Variants in ETV6 observed in about 807,000 individuals in gnomAD.
ETV6 encodes ETS variant transcription factor 6.
A neutral mutation model predicts 51.1 loss-of-function variants in ETV6; 16 were observed. The ratio of observed to expected loss-of-function variants is 0.31; its 90% CI spans 0.21 to 0.48. ETV6 has a LOEUF of 0.48. Among genes scored for constraint, ETV6 ranks in the 20% least tolerant of loss-of-function variants. The pLI is 0.99. For missense variants in ETV6, 458 were observed against 594.8 expected (o/e 0.77, Z 2.39); for synonymous variants, 240 against 224.1 (o/e 1.07, Z -0.64).
intron 2 of ETV6, chr12:11,752,833 T>G (rs561917418): frequency 5.3e-6 from 2 of 375,482 alleles, no homozygotes; most frequent in Non-Finnish European, 9.6e-6. Flanking sequence ...CCTGGAAACA[T>G]GCAGTATATG....
intron 1 of ETV6, among the ~76,000 whole-genome samples, chr12:11,722,939 G>C (rs1233962468): frequency 1.3e-5 from 2 of 152,170 alleles, no homozygotes; most frequent in African/African-American, 4.8e-5. Flanking sequence ...TGGTAGGACT[G>C]GGGTGGGACA....
intron 2 of ETV6, among the ~76,000 whole-genome samples, chr12:11,830,400 T>C (rs1946224564): frequency 6.6e-6 from 1 of 152,256 alleles, no homozygotes; most frequent in Non-Finnish European, 1.5e-5. Context: ...TTAGGTTCAT[T>C]GTGACCTTGG....
chr12:11,820,374 G>A lies in ETV6; in HGVS notation c.164-18766G>A, dbSNP rs80098187. 3.6e-3 allele frequency among the ~76,000 whole-genome samples: 544 copies of A among 152,306 alleles called. 2 individuals are homozygous for A. Among genetic ancestry groups the A allele is most frequent in the African/African-American group, 0.012 (519 of 41,560 alleles). On this transcript the variant is annotated intron_variant, in intron 2 of 7. Transcript: ENST00000396373. ...ATAGCAGGAATCCAAACAAAGGTCC[G>A]TTCACATGCTAGTGAAGAAAATGAG...
intron 4 of ETV6, among the ~76,000 whole-genome samples, chr12:11,860,689 G>GT (rs1305463239): frequency 1.4e-5 from 2 of 139,280 alleles, no homozygotes; most frequent in Admixed American, 1.4e-4. Context: ...TTATTTGGTT[G>GT]TTTCCCCCCC....
intron 2 of ETV6, among the ~76,000 whole-genome samples, chr12:11,758,007 C>A (rs1395501297): frequency 3.3e-5 from 5 of 151,516 alleles, no homozygotes; most frequent in Admixed American, 3.3e-4. Flanking sequence ...GTCCTGTAGG[C>A]CCTGATGGGC....
chr12:11,858,262 G>C (rs923729575), intron 4 of ETV6, among the ~76,000 whole-genome samples: 1 of 152,088 alleles, frequency 6.6e-6, no homozygotes, highest in Non-Finnish European at 1.5e-5. Flanking sequence ...CAAAAACCAG[G>C]AGGCAAAGCA....
intron 2 of ETV6, among the ~76,000 whole-genome samples, chr12:11,836,677 A>G (rs1038529437): frequency 6.6e-6 from 1 of 152,072 alleles, no homozygotes; most frequent in Non-Finnish European, 1.5e-5. Flanking sequence ...TCAAATTACT[A>G]CTTGCATCCC....
In ETV6 at chr12:11,749,288, T is replaced by C. The variant is rs988971370; in HGVS notation, c.34-3162T>C. Reference sequence around the variant, plus strand: ...CTTGGGAAAATCGTTATCCCCCCCATACACACACACACACACACACACACA... The same window carrying C: ...CTTGGGAAAATCGTTATCCCCCCCACACACACACACACACACACACACACA... On this transcript the variant is annotated intron_variant, in intron 1 of 7. Transcript: ENST00000396373. Among the ~76,000 whole-genome samples, 138 of 122,898 alleles carry C rather than the reference T, an allele frequency of 1.1e-3. 1 individual carries two copies. The highest frequency in any genetic ancestry group is 1.6e-3 in the African/African-American group (50 of 31,068). 80.6% of individuals were successfully genotyped at this position (122,898 alleles called of 152,430 possible). A position where few individuals can be genotyped will look rare whatever the true frequency, so the allele number is the denominator to read the frequency against.
chr12:11,848,093 A>G (rs528171210), intron 3 of ETV6, among the ~76,000 whole-genome samples: 11 of 152,352 alleles, frequency 7.2e-5, no homozygotes, highest in Admixed American at 5.9e-4. Flanking sequence ...TTTGTGAGAC[A>G]TGTCTGTTCA....
intron 1 of ETV6, among the ~76,000 whole-genome samples, chr12:11,676,090 T>G (rs1591601447): frequency 6.6e-6 from 1 of 152,222 alleles, no homozygotes; most frequent in East Asian, 1.9e-4. Flanking sequence ...TCTTGCTTGT[T>G]CATGTCACTT....
intron 3 of ETV6, among the ~76,000 whole-genome samples, chr12:11,844,707 T>G (rs1946435202): frequency 2.0e-5 from 3 of 151,800 alleles, no homozygotes; most frequent in Non-Finnish European, 4.4e-5. Flanking sequence ...GGCATGACCC[T>G]TGTCTGAAGA....
At chr12:11,688,353 A>C (rs1274037536) in intron 1 of ETV6, among the ~76,000 whole-genome samples, 1 of 152,188 alleles carries the variant, frequency 6.6e-6, no homozygotes, top group African/African-American at 2.4e-5. Context: ...ACTTAGCAAG[A>C]GGAATGTTGG....
chr12:11,846,974 G>A (rs556931613), intron 3 of ETV6, among the ~76,000 whole-genome samples: 1 of 152,312 alleles, frequency 6.6e-6, no homozygotes, highest in South Asian at 2.1e-4. Context: ...CCGGGTTCAC[G>A]CCATTCTCCT....
chr12:11,817,984 A>T (rs1946017883), intron 2 of ETV6, among the ~76,000 whole-genome samples: 1 of 152,178 alleles, frequency 6.6e-6, no homozygotes, highest in South Asian at 2.1e-4. Flanking sequence ...TCCACATGCA[A>T]GGAGGGAGGA....
chr12:11,745,032 A>G (rs956816987), intron 1 of ETV6, among the ~76,000 whole-genome samples: 8 of 152,242 alleles, frequency 5.3e-5, no homozygotes, highest in African/African-American at 1.9e-4. Context: ...TTGTCTTTAA[A>G]GAAATTGCTC....
At chr12:11,776,478 C>G (rs1318793976) in intron 2 of ETV6, among the ~76,000 whole-genome samples, 1 of 151,780 alleles carries the variant, frequency 6.6e-6, no homozygotes, top group Non-Finnish European at 1.5e-5. Context: ...GTCCTGGCCT[C>G]AAGCTATCCT....
chr12:11,717,658 T>C (rs1261028550), intron 1 of ETV6, among the ~76,000 whole-genome samples: 5 of 152,202 alleles, frequency 3.3e-5, no homozygotes, highest in Non-Finnish European at 5.9e-5. Context: ...AAAGAAGCAA[T>C]GTCTTTGTCA....
At chr12:11,697,620 G>C (rs770302060) in intron 1 of ETV6, among the ~76,000 whole-genome samples, 1 of 152,204 alleles carries the variant, frequency 6.6e-6, no homozygotes, top group Non-Finnish European at 1.5e-5. Context: ...AAGAATTTAG[G>C]GGTGTAAGTT....
intron 1 of ETV6, among the ~76,000 whole-genome samples, chr12:11,673,721 C>A (rs1024472179): frequency 6.6e-6 from 1 of 152,156 alleles, no homozygotes; most frequent in African/African-American, 2.4e-5. Flanking sequence ...ATTTTTATTG[C>A]TGTATTCCAT....
Sources: allele counts gnomAD v4.1 joint callset (sites outside exome capture counted in the v4.1 genomes callset), GRCh38; gene constraint gnomAD v4.1.1; transcripts MANE v1.5; gene names NCBI Gene and HGNC (gene_info 2026-07-23, HGNC 2026-07-21).